NSD2: variants seen among roughly 807,000 people sequenced by gnomAD.
NSD2 encodes histone-lysine N-methyltransferase NSD2.
Under a neutral mutation model 139.0 loss-of-function variants are expected in NSD2, and 12 were observed. That is an observed-to-expected ratio of 0.09 (90% confidence interval 0.06 to 0.14). The LOEUF (loss-of-function observed/expected upper bound fraction) is 0.14, where lower values mean the gene tolerates loss of function less well. NSD2 is among the 10% of genes least tolerant of loss of function. The pLI is 1.00. For synonymous variants in NSD2, 669 were observed against 648.7 expected, an observed-to-expected ratio of 1.03 and a Z score of -0.48; for missense variants, 1,155 against 1,745.0, an observed-to-expected ratio of 0.66 and a Z score of 6.02.
Position 1,929,627 on chromosome 4 carries a change from G to A in NSD2, c.1411-999G>A, listed in dbSNP as rs548912421. On this transcript the variant is annotated intron_variant, in intron 5 of 21. Transcript: ENST00000508803. ...AACAAATGCATGGGGCTGACATCCA[G>A]TAAAACTTTGTGGGCACTGTTGTTT... Among the ~76,000 whole-genome samples, 8 of 152,332 alleles carry A rather than the reference G, an allele frequency of 5.3e-5. No individual in the cohort carries two copies. In the East Asian group the frequency reaches 1.5e-3, roughly 29 times the overall value.
In NSD2 at chr4:1,901,409, G is replaced by C. The variant is rs554150567; in HGVS notation, c.597+158G>C. Among the ~76,000 whole-genome samples, 9 of 152,340 alleles carry C rather than the reference G, an allele frequency of 5.9e-5. No individual in the cohort carries two copies. In the East Asian group the frequency reaches 1.3e-3, roughly 23 times the overall value. The stretch of plus-strand genomic sequence containing the variant: ...CTGAGCCCTGGCTTTGGGTTGGAGG[G>C]TGGGCTCCAGGATGCCCTGGCACTG... On this transcript the variant is annotated intron_variant, in intron 2 of 21. Coordinates refer to ENST00000508803, the MANE Select transcript of NSD2 (RefSeq NM_001042424.3).
chr4:1,891,892 C>T (rs1014586875), intron 1 of NSD2, among the ~76,000 whole-genome samples: 1 of 148,748 alleles, frequency 6.7e-6, no homozygotes, highest in Non-Finnish European at 1.5e-5. Flanking sequence ...CAAACAAAAA[C>T]GAAAAAACGA....
rs1445749183 is a variant in NSD2, at chr4:1,955,256, A to G, written c.2434A>G (p.Ile812Val). Residue 812 changes from isoleucine (I) to valine (V), a missense_variant, in exon 13 of 22, where the codon ATC becomes GTC. Ile to Val is a conservative substitution (Grantham distance 29). Transcript: ENST00000508803. The surrounding 1 kb of genome is among the most constrained non-coding windows in gnomAD (Gnocchi z 4.7). ...GCSVIASNSI[I>V]CTAHFTARKG... Reference sequence around the variant, plus strand: ...CTCAGTGATCGCCTCCAACAGCATCATCTGCACTGCCCACTTCACTGCTCG... The same window carrying G: ...CTCAGTGATCGCCTCCAACAGCATCGTCTGCACTGCCCACTTCACTGCTCG... 6 of 1,614,160 alleles carry G rather than the reference A, an allele frequency of 3.7e-6. No homozygotes were observed. The highest frequency in any genetic ancestry group is 4.2e-6 in the Non-Finnish European group (5 of 1,180,030).
chr4:1,961,169 T>C lies in NSD2; in HGVS notation c.3372+18T>C, dbSNP rs769280128. On this transcript the variant is annotated intron_variant, in intron 18 of 21. Coordinates refer to ENST00000508803, the MANE Select transcript of NSD2 (RefSeq NM_001042424.3). ...TAGACAAGGTAATGCGGAACTCCAC[T>C]GTGAGCTTCTGCAGTGTGCTGGACC... 121 of 1,580,638 alleles carry C rather than the reference T, an allele frequency of 7.7e-5. No homozygotes were observed. Among genetic ancestry groups the C allele is most frequent in the Non-Finnish European group, 1.0e-4 (115 of 1,152,466 alleles).
At chr4:1,937,504 T>A (rs1173522816) in intron 7 of NSD2, among the ~76,000 whole-genome samples, 1 of 152,218 alleles carries the variant, frequency 6.6e-6, no homozygotes, top group Non-Finnish European at 1.5e-5. Context: ...AATGTTTTAT[T>A]AGCTCCTATC....
chr4:1,942,964 A>G lies in NSD2; in HGVS notation c.1881+3186A>G. The G allele has an allele frequency of 9.5e-7, 1 of 1,052,128 alleles. No individual in the cohort carries two copies. The highest frequency in any genetic ancestry group is 1.1e-6 in the Non-Finnish European group (1 of 870,968). 65.2% of individuals were successfully genotyped at this position (1,052,128 alleles called of 1,614,324 possible). ...ACAGTTTTATTATGACACTAGATAC[A>G]GTAAATTTTTAGAAAAAAATACCAT... On this transcript the variant is annotated intron_variant, in intron 9 of 21. Coordinates refer to ENST00000508803, the MANE Select transcript of NSD2 (RefSeq NM_001042424.3). The surrounding 1 kb of genome is among the most constrained non-coding windows in gnomAD (Gnocchi z 4.0).
chr4:1,960,727 G>C (rs111744939), intron 17 of NSD2, among the ~76,000 whole-genome samples: 34 of 152,310 alleles, frequency 2.2e-4, no homozygotes, highest in African/African-American at 7.2e-4. Flanking sequence ...GGGGATCACC[G>C]TGTAAAGTGG....
At chr4:1,940,042 A>C in intron 9 of NSD2, 1 of 1,321,232 alleles carries the variant, frequency 7.6e-7, no homozygotes, top group Non-Finnish European at 9.7e-7. Context: ...ATGCAGTTTC[A>C]TAGTTCTTAA....
intron 1 of NSD2, among the ~76,000 whole-genome samples, chr4:1,873,316 T>G (rs1714005830): frequency 6.6e-6 from 1 of 152,154 alleles, no homozygotes; most frequent in Non-Finnish European, 1.5e-5. Flanking sequence ...ATTTTAAGAG[T>G]ATGAGGTAAT....
Position 1,959,500 on chromosome 4 carries a change from C to A in NSD2, c.3015C>A (p.Ile1005=), listed in dbSNP as rs760251680. The part of the protein sequence containing the change: ...KVNKPYGKVQ[I]YTADISEIPK... Reference sequence around the variant, plus strand: ...ATAAGCCTTACGGGAAAGTCCAGATCTACACAGCGGATATTTCAGAAATCC... The same window carrying A: ...ATAAGCCTTACGGGAAAGTCCAGATATACACAGCGGATATTTCAGAAATCC... The change falls in exon 17 of 22, where the codon ATC becomes ATA. Residue 1005 remains isoleucine, a synonymous_variant. Transcript: ENST00000508803. The A allele has an allele frequency of 3.7e-6, 6 of 1,614,158 alleles. No homozygotes were observed. Among genetic ancestry groups the A allele is most frequent in the South Asian group, 1.1e-5 (1 of 91,070 alleles).
intron 18 of NSD2, among the ~76,000 whole-genome samples, chr4:1,969,420 C>T (rs1201149794): frequency 6.6e-6 from 1 of 152,162 alleles, no homozygotes; most frequent in Non-Finnish European, 1.5e-5. Flanking sequence ...AAAACCCCAG[C>T]CAGGTGCAAT....
chr4:1,944,778 G>A (rs903804666), intron 9 of NSD2: 1 of 1,064,304 alleles, frequency 9.4e-7, no homozygotes, highest in African/African-American at 1.6e-5. Flanking sequence ...ACCTGCTCTA[G>A]ATGGATCTTT....
rs147624398 is a variant in NSD2 at position 1,978,837 on chromosome 4, C to G, written c.4026C>G (p.Pro1342=). The change falls in exon 22 of 22, where the codon CCC becomes CCG. Residue 1342 remains proline, a synonymous_variant. Transcript: ENST00000508803. ...GAAGCACCAAGACTGAGAAGCCCCCCCCAGAGCCAGGGAAGCCGAAGGGGA... is the reference window on the plus strand; with the variant it reads ...GAAGCACCAAGACTGAGAAGCCCCCGCCAGAGCCAGGGAAGCCGAAGGGGA... ...SVRSTKTEKP[P]PEPGKPKGKR... 2.4e-4 allele frequency: 391 copies of G among 1,603,668 alleles called. 4 individuals are homozygous for G. Among genetic ancestry groups the G allele is most frequent in the Admixed American group, 8.9e-4 (53 of 59,534 alleles).
intron 21 of NSD2, among the ~76,000 whole-genome samples, chr4:1,978,248 C>T (rs954707764): frequency 6.6e-6 from 1 of 152,178 alleles, no homozygotes; most frequent in Non-Finnish European, 1.5e-5. Flanking sequence ...AGAGCTTTTA[C>T]AGAGTCATGC....
intron 1 of NSD2, among the ~76,000 whole-genome samples, chr4:1,884,678 C>T (rs145647388): frequency 0.031 from 4,789 of 152,226 alleles, 246 homozygotes; most frequent in African/African-American, 0.11. Context: ...AGGCGTGAGC[C>T]ACTGGGCCCA....
At chr4:1,911,829 C>T (rs1718734536) in intron 3 of NSD2, among the ~76,000 whole-genome samples, 1 of 152,068 alleles carries the variant, frequency 6.6e-6, no homozygotes, top group Non-Finnish European at 1.5e-5. Flanking sequence ...CAGAATGTTA[C>T]ACTCATTTAT....
At chr4:1,918,687 A>C (rs892193226) in intron 5 of NSD2, 64 bp downstream of exon 5, 2 of 1,576,308 alleles carry the variant, frequency 1.3e-6, no homozygotes, top group Non-Finnish European at 1.7e-6. Context: ...CCTTCAGTGC[A>C]GAATCATCTG....
chr4:1,882,661 T>C (rs1714790926), intron 1 of NSD2, among the ~76,000 whole-genome samples: 1 of 151,964 alleles, frequency 6.6e-6, no homozygotes, highest in South Asian at 2.1e-4. Flanking sequence ...AAGACCTCTG[T>C]CTCAAAAACA....
At chr4:1,940,609 T>A in intron 9 of NSD2, 1 of 1,063,330 alleles carries the variant, frequency 9.4e-7, no homozygotes, top group Non-Finnish European at 1.1e-6. Context: ...GTGATGCTGT[T>A]TTTCTCATTG....
Sources: gnomAD v4.1 joint callset for allele counts (sites outside exome capture counted in the v4.1 genomes callset) on GRCh38, gnomAD v4.1.1 for gene constraint, Gnocchi (gnomAD v3.1) non-coding constraint, MANE v1.5 for transcripts, NCBI Gene and HGNC (gene_info 2026-07-23, HGNC 2026-07-21) for gene names.